Variants in ROPN1B observed in about 807,000 individuals in gnomAD.
The protein encoded by ROPN1B is ropporin-1B.
Under a neutral mutation model 23.7 loss-of-function variants are expected in ROPN1B, and 13 were observed. That is an observed-to-expected ratio of 0.55 (90% CI 0.36 to 0.87). ROPN1B has a LOEUF of 0.87. Among genes scored for constraint, ROPN1B ranks in the 40% least tolerant of loss-of-function variants. The probability of loss-of-function intolerance (pLI) is 0.01; values close to 1 mark genes in which losing one functional copy is unlikely to be tolerated. For missense variants in ROPN1B, 183 were observed against 249.2 expected, an observed-to-expected ratio of 0.73 and a Z score of 1.79; for synonymous variants, 67 against 100.4, an observed-to-expected ratio of 0.67 and a Z score of 1.99.
rs1366051547 is a variant in ROPN1B at position 125,975,934 on chromosome 3, C to T, written c.234+254C>T. Among the ~76,000 whole-genome samples the T allele has an allele frequency of 2.6e-5, 4 of 152,326 alleles. No individual in the cohort carries two copies. In the South Asian group the frequency reaches 8.3e-4, roughly 32 times the overall value. ...TGGCAGAATGTACAGGGGCTCAATGCAATGCTAATCTTGTCTCTCCAGAAA... is the reference window on the plus strand; with the variant it reads ...TGGCAGAATGTACAGGGGCTCAATGTAATGCTAATCTTGTCTCTCCAGAAA... On this transcript the variant is annotated intron_variant, in intron 4 of 6. Coordinates refer to ENST00000514116, the MANE Select transcript of ROPN1B (RefSeq NM_001308313.2).
rs375434881 is a variant in ROPN1B, at chr3:125,973,152, G to A, written c.116+982G>A. 3.4e-4 allele frequency: 118 copies of A among 343,754 alleles called. No homozygotes were observed. The East Asian group carries it at 6.5e-3, about 19-fold the overall frequency. The allele number at this position is 343,754 out of a possible 1,614,324, so 21.3% of individuals were successfully genotyped here. ...TGGGAAAGTGAGAGTGAGAGAGGCCGTTGAGAGAAAGCCAGTGAGTTGGGG... is the reference window on the plus strand; with the variant it reads ...TGGGAAAGTGAGAGTGAGAGAGGCCATTGAGAGAAAGCCAGTGAGTTGGGG... On this transcript the variant is annotated intron_variant, in intron 3 of 6. Transcript: ENST00000514116.
In ROPN1B at chr3:125,978,488, C is replaced by G. The variant is rs1253845434; in HGVS notation, c.396+1323C>G. Among the ~76,000 whole-genome samples, 9 of 152,120 alleles carry G rather than the reference C, an allele frequency of 5.9e-5. No homozygotes were observed. In the East Asian group the frequency reaches 1.7e-3, roughly 29 times the overall value. On this transcript the variant is annotated intron_variant, in intron 5 of 6. Transcript: ENST00000514116. ...TGAAACAGCCTAAAGGTACATTTCC[C>G]AGTATCTCAGGTTTTTCCTCACCAC...
intron 5 of ROPN1B, among the ~76,000 whole-genome samples, chr3:125,978,598 G>A (rs540607504): frequency 1.3e-5 from 2 of 152,176 alleles, no homozygotes; most frequent in South Asian, 4.1e-4. Flanking sequence ...GTCTTCTCTG[G>A]CATCTCTGGT....
chr3:125,981,989 A>C (rs1224465945), intron 5 of ROPN1B, among the ~76,000 whole-genome samples: 4 of 152,220 alleles, frequency 2.6e-5, no homozygotes, highest in Non-Finnish European at 5.9e-5. Flanking sequence ...GGGTATTCAG[A>C]CTAAAGTAAC....
chr3:125,971,426 T>C (rs1938199817), intron 2 of ROPN1B, among the ~76,000 whole-genome samples: 1 of 152,256 alleles, frequency 6.6e-6, no homozygotes, highest in Non-Finnish European at 1.5e-5. Flanking sequence ...TTTATGGATG[T>C]TCATGTTTTG....
chr3:125,981,828 T>C lies in ROPN1B; in HGVS notation c.397-442T>C, dbSNP rs377244507. 2.7e-4 allele frequency among the ~76,000 whole-genome samples: 41 copies of C among 152,292 alleles called. No individual in the cohort carries two copies. The East Asian group carries it at 6.6e-3, about 24-fold the overall frequency. ...CTGGGACTCTATTTTCCTGGGGAAATTATCCTTCTCTTACCTTCTTCTCCT... is the reference window on the plus strand; with the variant it reads ...CTGGGACTCTATTTTCCTGGGGAAACTATCCTTCTCTTACCTTCTTCTCCT... On this transcript the variant is annotated intron_variant, in intron 5 of 6. Transcript: ENST00000514116.
chr3:125,978,022 T>C (rs529994935), intron 5 of ROPN1B: 13 of 152,334 alleles, frequency 8.5e-5, no homozygotes, highest in African/African-American at 2.4e-4. Flanking sequence ...ATTTGACACG[T>C]TTGTTTCTGA....
At chr3:125,980,101 G>A (rs11925047) in intron 5 of ROPN1B, among the ~76,000 whole-genome samples, 37,074 of 152,094 alleles carry the variant, frequency 0.24, 4,750 homozygotes, top group Non-Finnish European at 0.27. Context: ...AATGAAGCTC[G>A]CAAGATGTTT....
At chr3:125,980,843 C>T (rs1465007161) in intron 5 of ROPN1B, among the ~76,000 whole-genome samples, 1 of 152,080 alleles carries the variant, frequency 6.6e-6, no homozygotes, top group Non-Finnish European at 1.5e-5. Context: ...AAAGCATTCT[C>T]CCACTCACAA....
intron 5 of ROPN1B, among the ~76,000 whole-genome samples, chr3:125,981,670 A>G (rs527920225): frequency 1.4e-4 from 21 of 152,310 alleles, no homozygotes; most frequent in Non-Finnish European, 2.1e-4. Flanking sequence ...TTCTCAACCA[A>G]TATTTCCCCA....
chr3:125,975,519 C>G, intron 3 of ROPN1B, 44 bp from the exon 4 acceptor site: 1 of 1,538,030 alleles, frequency 6.5e-7, no homozygotes. Flanking sequence ...CCAGAGGCCA[C>G]TGGTGTATAG....
intron 5 of ROPN1B, among the ~76,000 whole-genome samples, chr3:125,980,396 GTC>G (rs1196656634): frequency 6.6e-6 from 1 of 152,136 alleles, no homozygotes; most frequent in Non-Finnish European, 1.5e-5. Flanking sequence ...GAAATTTGTT[GTC>G]TCTCAGTTCT....
chr3:125,970,738 T>A (rs1559781439), intron 1 of ROPN1B, among the ~76,000 whole-genome samples: 1 of 152,238 alleles, frequency 6.6e-6, no homozygotes, highest in East Asian at 1.9e-4. Flanking sequence ...AAATTAATCA[T>A]TATTTTATCA....
intron 3 of ROPN1B, chr3:125,972,722 A>G: frequency 2.8e-6 from 1 of 354,964 alleles, no homozygotes; most frequent in South Asian, 2.2e-5. Context: ...TGTATCTTTG[A>G]GGAAATTATT....
Position 125,972,078 on chromosome 3 carries a change from A to G in ROPN1B, c.24A>G (p.Thr8=), listed in dbSNP as rs764331603. 4 of 1,614,236 alleles carry G rather than the reference A, an allele frequency of 2.5e-6. No individual in the cohort carries two copies. In the South Asian group the frequency reaches 3.3e-5, roughly 13 times the overall value. The part of the protein sequence containing the change: MAQTDKP[T]CIPPELPKML... ...CAATGGCTCAGACAGATAAGCCAAC[A>G]TGCATCCCGCCGGAGCTGCCGAAAA... Residue 8 remains threonine, a synonymous_variant, in exon 3 of 7, where the codon ACA becomes ACG. Coordinates refer to ENST00000514116, the MANE Select transcript of ROPN1B (RefSeq NM_001308313.2).
chr3:125,982,545 C>A, intron 6 of ROPN1B, 100 bp downstream of exon 6: 6 of 953,206 alleles, frequency 6.3e-6, no homozygotes, highest in South Asian at 4.9e-5. Flanking sequence ...GCTCTGGGAA[C>A]AGAAAAGTGA....
At chr3:125,981,581 T>C (rs1212838130) in intron 5 of ROPN1B, among the ~76,000 whole-genome samples, 1 of 152,210 alleles carries the variant, frequency 6.6e-6, no homozygotes, top group East Asian at 1.9e-4. Context: ...GTTCTGAGCA[T>C]GCTCCTTTAA....
At position 125,976,070 on chromosome 3, in the gene ROPN1B, C is replaced by T. The variant is rs187643531; in HGVS notation, c.234+390C>T. Among the ~76,000 whole-genome samples the T allele has an allele frequency of 4.1e-4, 63 of 152,170 alleles. 1 individual carries two copies. Among genetic ancestry groups the T allele is most frequent in the Non-Finnish European group, 7.8e-4 (53 of 68,040 alleles). On this transcript the variant is annotated intron_variant, in intron 4 of 6. Transcript: ENST00000514116. ...TTTTAGCTCCCCAGTTATCCCAGGTCCAGACATTGCTTTTAGCTTTTAGGG... is the reference window on the plus strand; with the variant it reads ...TTTTAGCTCCCCAGTTATCCCAGGTTCAGACATTGCTTTTAGCTTTTAGGG...
chr3:125,979,799 A>G (rs1049754069), intron 5 of ROPN1B, among the ~76,000 whole-genome samples: 1 of 152,186 alleles, frequency 6.6e-6, no homozygotes, highest in Non-Finnish European at 1.5e-5. Flanking sequence ...TTCCTTGTAG[A>G]AGAGTCTAGT....
Sources: gnomAD v4.1 joint callset for allele counts (sites outside exome capture counted in the v4.1 genomes callset) on GRCh38, gnomAD v4.1.1 for gene constraint, MANE v1.5 for transcripts, NCBI Gene and HGNC (gene_info 2026-07-23, HGNC 2026-07-21) for gene names.